A2ML1: variants seen among roughly 807,000 people sequenced by gnomAD.
A2ML1 encodes the protein alpha-2-macroglobulin like 1.
Under a neutral mutation model 181.9 loss-of-function variants are expected in A2ML1, and 161 were observed. The observed-to-expected ratio is 0.89, with a 90% confidence interval of 0.78 to 1.01. The LOEUF (loss-of-function observed/expected upper bound fraction) is 1.01, where lower values mean the gene tolerates loss of function less well. Among genes scored for constraint, A2ML1 ranks in the 50% least tolerant of loss-of-function variants. A2ML1 has a pLI of 0.00. For synonymous variants in A2ML1, 663 were observed against 666.8 expected, an observed-to-expected ratio of 0.99 and a Z score of 0.09; for missense variants, 1,670 against 1,768.1, an observed-to-expected ratio of 0.94 and a Z score of 1.00.
chr12:8,832,777 ATAGCG>A (rs957763825), intron 4 of A2ML1, among the ~76,000 whole-genome samples: 1 of 152,108 alleles, frequency 6.6e-6, no homozygotes, highest in Admixed American at 6.5e-5. Context: ...TAGAAGCAAG[ATAGCG>A]TTGGTTAGGT....
chr12:8,843,293 G>T lies in A2ML1; in HGVS notation c.1408G>T (p.Val470Leu). The T allele has an allele frequency of 6.2e-7, 1 of 1,614,210 alleles. No homozygotes were observed. The highest frequency in any genetic ancestry group is 8.5e-7 in the Non-Finnish European group (1 of 1,180,046). ...CTTGAAATGTGGCCAGCCCCAGGAA[G>T]TGCTGGTGGATTATTACATCGACCC... ...GPLKCGQPQE[V>L]LVDYYIDPAD... The change falls in exon 12 of 36, where the codon GTG becomes TTG. Residue 470 changes from valine to leucine, a missense_variant. Val to Leu is a conservative substitution (Grantham distance 32). Transcript: ENST00000299698.
At chr12:8,859,093 G>C (rs1413361567) in intron 26 of A2ML1, among the ~76,000 whole-genome samples, 1 of 151,844 alleles carries the variant, frequency 6.6e-6, no homozygotes. Flanking sequence ...ATTTGAACCA[G>C]GCAGTTGCAC....
intron 11 of A2ML1, among the ~76,000 whole-genome samples, chr12:8,842,423 G>C (rs1378472873): frequency 9.9e-5 from 15 of 152,024 alleles, no homozygotes; most frequent in Admixed American, 9.8e-4. Context: ...GTTTCACTGT[G>C]TTAGCCAGGA....
chr12:8,835,906 G>A (rs887006055), intron 6 of A2ML1, among the ~76,000 whole-genome samples: 2 of 151,550 alleles, frequency 1.3e-5, no homozygotes, highest in South Asian at 2.1e-4. Flanking sequence ...TCAGCTACTC[G>A]GGAGGCTGAG....
chr12:8,826,955 CT>C (rs1337675993), intron 3 of A2ML1, among the ~76,000 whole-genome samples: 1 of 152,028 alleles, frequency 6.6e-6, no homozygotes, highest in Non-Finnish European at 1.5e-5. Flanking sequence ...TTTTTTATTC[CT>C]TGATGTTTGG....
At chr12:8,878,115 C>T (rs1019435523), downstream of A2ML1, among the ~76,000 whole-genome samples, 1 of 52,516 alleles carries the variant, frequency 1.9e-5, no homozygotes, top group Non-Finnish European at 5.0e-5. The surrounding 1 kb of genome is among the most constrained non-coding windows in gnomAD (Gnocchi z 4.4). Context: ...CCAACCTGGC[C>T]AACATGGCAA....
chr12:8,823,976 G>A, intron 3 of A2ML1, 94 bp downstream of exon 3: 1 of 1,433,306 alleles, frequency 7.0e-7, no homozygotes, highest in Non-Finnish European at 9.3e-7. Flanking sequence ...GTAGGCTTTG[G>A]AAAAAAAGGA....
chr12:8,855,519 A>G lies in A2ML1; in HGVS notation c.2775A>G (p.Ala925=). Residue 925 remains alanine (A), a synonymous_variant, in exon 23 of 36, where the codon GCA becomes GCG. Transcript: ENST00000299698. ...SSLLCPKGKV[A]SESVSLELPV... Reference sequence around the variant, plus strand: ...TTCTGCATCTCACAGGAAAGGTGGCATCTGAATCTGTCTCCCTGGAGCTCC... The same window carrying G: ...TTCTGCATCTCACAGGAAAGGTGGCGTCTGAATCTGTCTCCCTGGAGCTCC... 1 of 1,614,142 alleles carries G rather than the reference A, an allele frequency of 6.2e-7. No individual in the cohort carries two copies. The highest frequency in any genetic ancestry group is 8.5e-7 in the Non-Finnish European group (1 of 1,180,020).
At position 8,845,859 on chromosome 12, in the gene A2ML1, A is replaced by AT. The variant is rs1248873484; in HGVS notation, c.1538-218_1538-217insT. 2.8e-4 allele frequency among the ~76,000 whole-genome samples: 18 copies of AT among 63,778 alleles called. No individual in the cohort carries two copies. In the East Asian group the frequency reaches 5.3e-3, roughly 19 times the overall value. The allele number at this position is 63,778 out of a possible 152,430, so 41.8% of individuals were successfully genotyped here. On this transcript the variant is annotated intron_variant, in intron 13 of 35. Coordinates refer to ENST00000299698, the MANE Select transcript of A2ML1 (RefSeq NM_144670.6). ...AGCGAGACTCCGTCTCAAAAAAAAA[A>AT]AAAAATAAATAAAATAAAATAAAAT...
intron 29 of A2ML1, 75 bp from the exon 30 acceptor site, chr12:8,867,766 GT>G: frequency 3.1e-6 from 4 of 1,306,838 alleles, no homozygotes; most frequent in Non-Finnish European, 4.4e-6. Flanking sequence ...AACCAGATGT[GT>G]GGGTTATAGA....
rs1422425038 is a variant in A2ML1, at chr12:8,837,476, G to T, written c.765G>T (p.Gln255His). ...TYGKPMLGAV[Q>H]VSVCQKANTY... Reference sequence around the variant, plus strand: ...GAAAGCCCATGCTAGGGGCAGTGCAGGTATCTGTGTGTCAGAAGGCAAATA... The same window carrying T: ...GAAAGCCCATGCTAGGGGCAGTGCATGTATCTGTGTGTCAGAAGGCAAATA... The change falls in exon 8 of 36, where the codon CAG (glutamine) becomes CAT (histidine). Residue 255 changes from glutamine (Q) to histidine (H), a missense_variant. Transcript: ENST00000299698. The T allele has an allele frequency of 6.2e-7, 1 of 1,614,096 alleles. No homozygotes were observed. Among genetic ancestry groups the T allele is most frequent in the Non-Finnish European group, 8.5e-7 (1 of 1,179,966 alleles).
At chr12:8,866,501 A>G (rs1944433881) in intron 29 of A2ML1, among the ~76,000 whole-genome samples, 1 of 152,030 alleles carries the variant, frequency 6.6e-6, no homozygotes, top group Non-Finnish European at 1.5e-5. Flanking sequence ...AGTGGGTGAA[A>G]TGTTTACAAC....
rs1482427203 is a variant in A2ML1, at chr12:8,837,555, C to A, written c.844C>A (p.Leu282Ile). Reference protein sequence around the residue: ...REQLPDKCRNLSGQTDKTGCF... With the variant: ...REQLPDKCRNISGQTDKTGCF... ...ACAGCTTCCTGACAAATGCAGGAACCTCTCTGGACAGGTGAGTAAATGACA... is the reference window on the plus strand; with the variant it reads ...ACAGCTTCCTGACAAATGCAGGAACATCTCTGGACAGGTGAGTAAATGACA... The change falls in exon 8 of 36, where the codon CTC (leucine) becomes ATC (isoleucine). Residue 282 changes from leucine to isoleucine, a missense_variant. Transcript: ENST00000299698. 3.7e-6 allele frequency: 6 copies of A among 1,613,318 alleles called. No individual in the cohort carries two copies. The Admixed American group carries it at 8.3e-5, about 22-fold the overall frequency.
chr12:8,849,720 T>C lies in A2ML1; in HGVS notation c.2080T>C (p.Cys694Arg). The change falls in exon 17 of 36, where the codon TGC becomes CGC. Residue 694 changes from cysteine to arginine, a missense_variant. Transcript: ENST00000299698. ...TGCCAAAATCAAGAAGCCAGTAGAT[T>C]GCAGTCACAGATCTCCAGAATACAG... The part of the protein sequence containing the change: ...SNAKIKKPVD[C>R]SHRSPEYSTA... 6.2e-7 allele frequency: 1 copy of C among 1,614,198 alleles called. No homozygotes were observed. The highest frequency in any genetic ancestry group is 8.5e-7 in the Non-Finnish European group (1 of 1,180,032).
At chr12:8,873,218 C>A in intron 33 of A2ML1, among the ~76,000 whole-genome samples, 1 of 151,394 alleles carries the variant, frequency 6.6e-6, no homozygotes, top group East Asian at 1.9e-4. Context: ...GCGTTAATAG[C>A]GCTATATCTA....
Position 8,854,254 on chromosome 12 carries a change from G to C in A2ML1, c.2712+5G>C. The C allele has an allele frequency of 6.3e-7, 1 of 1,593,188 alleles. No individual in the cohort carries two copies. The highest frequency in any genetic ancestry group is 8.5e-7 in the Non-Finnish European group (1 of 1,170,278). The stretch of plus-strand genomic sequence containing the variant: ...ATCAAGCCAGTTCTCGTCAAAGTGA[G>C]TTTTCTTCAGAGGTAGAGACAGCAA... On this transcript the variant is annotated splice_donor_5th_base_variant and intron_variant, in intron 21 of 35. Coordinates refer to ENST00000299698, the MANE Select transcript of A2ML1 (RefSeq NM_144670.6).
At chr12:8,822,828 C>CCTTTTTT in intron 1 of A2ML1, 115 bp downstream of exon 1, 1 of 939,496 alleles carries the variant, frequency 1.1e-6, no homozygotes, top group Non-Finnish European at 1.7e-6. Flanking sequence ...ATTTCCTCCT[C>CCTTTTTT]CTTTTTTCTC....
At chr12:8,839,566 T>C (rs1943399258) in intron 10 of A2ML1, among the ~76,000 whole-genome samples, 1 of 152,104 alleles carries the variant, frequency 6.6e-6, no homozygotes, top group Non-Finnish European at 1.5e-5. Context: ...AATGACACCT[T>C]AGGGGTCTTT....
At chr12:8,848,435 C>A (rs1453602565) in intron 15 of A2ML1, among the ~76,000 whole-genome samples, 7 of 151,544 alleles carry the variant, frequency 4.6e-5, no homozygotes, top group African/African-American at 1.7e-4. Flanking sequence ...GAGCCGAGAT[C>A]GTCCCACTGC....
Sources: gnomAD v4.1 joint callset for allele counts (sites outside exome capture counted in the v4.1 genomes callset) on GRCh38, gnomAD v4.1.1 for gene constraint, Gnocchi (gnomAD v3.1) non-coding constraint, MANE v1.5 for transcripts, NCBI Gene and HGNC (gene_info 2026-07-23, HGNC 2026-07-21) for gene names.